ANKRD12: variants seen among roughly 807,000 people sequenced by gnomAD.
ANKRD12 encodes ankyrin repeat domain 12, also known as ankyrin repeat domain-containing protein 12.
A neutral mutation model predicts 183.4 loss-of-function variants in ANKRD12; 85 were observed. The observed-to-expected ratio is 0.46, with a 90% CI of 0.39 to 0.56. The LOEUF (loss-of-function observed/expected upper bound fraction) is 0.56, where lower values mean the gene tolerates loss of function less well. Ranked by LOEUF, ANKRD12 falls within the 20% of genes least tolerant of loss-of-function variation. ANKRD12 has a pLI of 0.00. For missense variants in ANKRD12, 2,405 were observed against 2,357.1 expected, an observed-to-expected ratio of 1.02 and a Z score of -0.42; for synonymous variants, 914 against 800.2, an observed-to-expected ratio of 1.14 and a Z score of -2.40.
chr18:9,213,279 A>G (rs1230877202), intron 6 of ANKRD12, among the ~76,000 whole-genome samples: 3 of 151,970 alleles, frequency 2.0e-5, no homozygotes, highest in Non-Finnish European at 2.9e-5. Flanking sequence ...TACAGTATCT[A>G]CCTTAAAGAG....
chr18:9,231,248 A>G (rs188540775), intron 8 of ANKRD12, among the ~76,000 whole-genome samples: 1 of 152,244 alleles, frequency 6.6e-6, no homozygotes, highest in East Asian at 1.9e-4. Flanking sequence ...AAATGTTCTG[A>G]AAGTGTCTGT....
In ANKRD12 at chr18:9,283,765, AAG is replaced by A. The variant is rs558729026; in HGVS notation, c.*2642_*2643del. The A allele has an allele frequency of 2.1e-3, 316 of 152,736 alleles. 1 individual carries two copies. Among genetic ancestry groups the A allele is most frequent in the African/African-American group, 5.9e-3 (244 of 41,566 alleles). 9.5% of individuals were successfully genotyped at this position (152,736 alleles called of 1,614,324 possible). A position where few individuals can be genotyped will look rare whatever the true frequency, so the allele number is the denominator to read the frequency against. On this transcript the variant is annotated 3_prime_UTR_variant, in exon 13 of 13. Coordinates refer to ENST00000262126, the MANE Select transcript of ANKRD12 (RefSeq NM_015208.5). The stretch of plus-strand genomic sequence containing the variant: ...AAAGAGTTATATTTTTATAGAAAAA[AAG>A]AGTGAAATGTGTGCTAACTGTTTTT...
chr18:9,244,959 C>T (rs757275605), intron 8 of ANKRD12, among the ~76,000 whole-genome samples: 21 of 152,034 alleles, frequency 1.4e-4, no homozygotes, highest in African/African-American at 2.4e-5. Flanking sequence ...TTCTTTTACC[C>T]ATCTCTCTGT....
rs200566676 is a variant in ANKRD12, at chr18:9,241,038, CA to C, written c.944-13165del. Among the ~76,000 whole-genome samples the C allele has an allele frequency of 6.4e-3, 967 of 151,708 alleles. 7 individuals carry two copies. Among genetic ancestry groups the C allele is most frequent in the Middle Eastern group, 0.017 (5 of 292 alleles). ...GAGTTCTAATAGTTAATAAGAGATC[CA>C]AAAAAAATTATTTAAGTCAAAATGT... On this transcript the variant is annotated intron_variant, in intron 8 of 12. Coordinates refer to ENST00000262126, the MANE Select transcript of ANKRD12 (RefSeq NM_015208.5).
At chr18:9,236,032 A>G (rs1353721742) in intron 8 of ANKRD12, among the ~76,000 whole-genome samples, 1 of 152,020 alleles carries the variant, frequency 6.6e-6, no homozygotes, top group East Asian at 1.9e-4. Context: ...GCTTTTGAGA[A>G]GGGACCAGCA....
chr18:9,276,546 T>TGATCGCTTTG (rs2039843651), intron 11 of ANKRD12, among the ~76,000 whole-genome samples: 2 of 151,928 alleles, frequency 1.3e-5, no homozygotes, highest in Non-Finnish European at 2.9e-5. Flanking sequence ...AAACCCCGTC[T>TGATCGCTTTG]TTACAAAAAA....
Position 9,255,457 on chromosome 18 carries a change from C to T in ANKRD12, c.2190C>T (p.Ile730=). 2 of 1,566,328 alleles carry T rather than the reference C, an allele frequency of 1.3e-6. 1 individual carries two copies. Among genetic ancestry groups the T allele is most frequent in the South Asian group, 2.4e-5 (2 of 82,272 alleles). ...LEKKSKLEKN[I]KDDKSTKEKH... ...AAAAATCAAAATTGGAAAAAAACAT[C>T]AAAGATGATAAATCAACCAAGGAAA... Residue 730 remains isoleucine, a synonymous_variant, in exon 9 of 13, where the codon ATC becomes ATT. Transcript: ENST00000262126.
At chr18:9,211,417 CTG>C (rs2035798313) in intron 5 of ANKRD12, among the ~76,000 whole-genome samples, 165 bp from the exon 6 acceptor site, 1 of 152,096 alleles carries the variant, frequency 6.6e-6, no homozygotes. Context: ...GGGAAGATCT[CTG>C]TGTATTTGGG....
chr18:9,189,955 A>T (rs939616349), intron 2 of ANKRD12, among the ~76,000 whole-genome samples: 1 of 152,220 alleles, frequency 6.6e-6, no homozygotes, highest in Non-Finnish European at 1.5e-5. Flanking sequence ...AAGTCTTATT[A>T]AAGAAGTATG....
chr18:9,254,990 T>C lies in ANKRD12; in HGVS notation c.1723T>C (p.Ser575Pro). 6.2e-7 allele frequency: 1 copy of C among 1,608,812 alleles called. No homozygotes were observed. The highest frequency in any genetic ancestry group is 8.5e-7 in the Non-Finnish European group (1 of 1,178,074). ...TCLSPGSSEM[S>P]LQPDLVRYDN... is the part of the protein sequence containing the mutation. ...TTTATCACCAGGAAGTTCTGAAATG[T>C]CATTACAGCCTGATCTTGTTCGGTA... Residue 575 changes from serine to proline, a missense_variant, in exon 9 of 13, where the codon TCA (serine) becomes CCA (proline). This residue lies in a region of ANKRD12 where 1,983 missense variants were observed against 1,725.9 expected (regional missense o/e 1.15). Transcript: ENST00000262126.
intron 12 of ANKRD12, among the ~76,000 whole-genome samples, chr18:9,280,250 A>C (rs2040046647): frequency 6.6e-6 from 1 of 152,252 alleles, no homozygotes; most frequent in East Asian, 1.9e-4. Flanking sequence ...TCGCATGTGC[A>C]GTTCACAATA....
At chr18:9,244,746 T>C (rs1318268861) in intron 8 of ANKRD12, among the ~76,000 whole-genome samples, 1 of 152,218 alleles carries the variant, frequency 6.6e-6, no homozygotes, top group Non-Finnish European at 1.5e-5. Context: ...TTTTGGACTT[T>C]CCATGGAGTA....
intron 9 of ANKRD12, among the ~76,000 whole-genome samples, chr18:9,262,318 C>G (rs1269033569): frequency 1.3e-5 from 2 of 152,128 alleles, no homozygotes; most frequent in Admixed American, 1.3e-4. Context: ...GCTAAGATAT[C>G]TTACTTTGCC....
chr18:9,161,106 GTGT>G (rs151154781), intron 1 of ANKRD12, among the ~76,000 whole-genome samples: 10 of 151,834 alleles, frequency 6.6e-5, no homozygotes, highest in East Asian at 1.9e-4. Flanking sequence ...GTGTGTGTGT[GTGT>G]TGTTGTTGTT....
In ANKRD12 at chr18:9,221,934, C is replaced by A; in HGVS notation, c.878C>A (p.Thr293Lys). ...HGERPVDVAETEELELLLKRE... is the reference protein window; with the variant it reads ...HGERPVDVAEKEELELLLKRE... The stretch of plus-strand genomic sequence containing the variant: ...GAGCGTCCAGTGGATGTAGCAGAAA[C>A]AGAGGAGTTGGAGTTGCTACTAAAA... The change falls in exon 8 of 13, where the codon ACA (threonine) becomes AAA (lysine). Residue 293 changes from threonine to lysine, a missense_variant. Around this residue, in one of 7 missense-constraint regions of ANKRD12, gnomAD observed 40 missense variants for 54.2 expected, o/e 0.74. Transcript: ENST00000262126. 6.2e-7 allele frequency: 1 copy of A among 1,613,940 alleles called. No homozygotes were observed. Among genetic ancestry groups the A allele is most frequent in the Non-Finnish European group, 8.5e-7 (1 of 1,179,914 alleles).
Position 9,284,094 on chromosome 18 carries a change from T to A in ANKRD12, c.*2968T>A, listed in dbSNP as rs1357597005. The A allele has an allele frequency of 1.3e-5, 2 of 152,210 alleles. No individual in the cohort carries two copies. Among genetic ancestry groups the A allele is most frequent in the African/African-American group, 4.8e-5 (2 of 41,452 alleles). 9.4% of individuals were successfully genotyped at this position (152,210 alleles called of 1,614,324 possible). ...TATGTCTAAAAATATGTACATAAGT[T>A]TAAAAATATTTTATTGCTAAAAATG... On this transcript the variant is annotated 3_prime_UTR_variant, in exon 13 of 13. Transcript: ENST00000262126.
At chr18:9,272,121 A>G (rs1488653334) in intron 10 of ANKRD12, among the ~76,000 whole-genome samples, 1 of 152,194 alleles carries the variant, frequency 6.6e-6, no homozygotes, top group African/African-American at 2.4e-5. Flanking sequence ...CTTAGAGGAC[A>G]CTGTTTGAGA....
chr18:9,169,014 A>G (rs1397993065), intron 1 of ANKRD12, among the ~76,000 whole-genome samples: 2 of 151,988 alleles, frequency 1.3e-5, no homozygotes, highest in Admixed American at 6.6e-5. Context: ...TTCAGTTTCC[A>G]TGTAGCTGAG....
chr18:9,180,140 G>T (rs1042895776), intron 1 of ANKRD12, among the ~76,000 whole-genome samples: 2 of 152,092 alleles, frequency 1.3e-5, no homozygotes, highest in African/African-American at 4.8e-5. Flanking sequence ...AAGCTCTGTT[G>T]TTGGTTGCAT....
Sources: gnomAD v4.1 joint callset for allele counts (sites outside exome capture counted in the v4.1 genomes callset) on GRCh38, gnomAD v4.1.1 for gene constraint, gnomAD v4.1.1 regional missense constraint, MANE v1.5 for transcripts, NCBI Gene and HGNC (gene_info 2026-07-23, HGNC 2026-07-21) for gene names.